RGS7: variants seen among roughly 807,000 people sequenced by gnomAD.
RGS7 encodes regulator of G protein signaling 7, also known as regulator of G-protein signaling 7.
Under a neutral mutation model 81.1 loss-of-function variants are expected in RGS7, and 27 were observed. The observed-to-expected ratio is 0.33, with a 90% CI of 0.25 to 0.46. The LOEUF (loss-of-function observed/expected upper bound fraction) is 0.46, where lower values mean the gene tolerates loss of function less well. RGS7 is among the 20% of genes least tolerant of loss of function. The pLI is 1.00. For synonymous variants in RGS7, 208 were observed against 207.7 expected (o/e 1.00, Z -0.01); for missense variants, 396 against 607.4 (o/e 0.65, Z 3.66).
At chr1:241,130,927 C>CAAAAAAA (rs11365447) in intron 2 of RGS7, among the ~76,000 whole-genome samples, 2,224 of 89,978 alleles carry the variant, frequency 0.025, 67 homozygotes, top group African/African-American at 0.078. Flanking sequence ...GGCTTAATTA[C>CAAAAAAA]AAAAAAAAAA....
intron 2 of RGS7, among the ~76,000 whole-genome samples, chr1:241,177,770 G>A (rs1477360263): frequency 6.6e-6 from 1 of 151,898 alleles, no homozygotes. Flanking sequence ...GACTGAAAGG[G>A]AGGTGGGAAT....
At position 241,325,696 on chromosome 1, in the gene RGS7, T is replaced by C. The variant is rs182417541; in HGVS notation, c.78+30003A>G. Reference sequence around the variant, plus strand: ...TGACATCATGCAGGGATTTTAGATCTGATACTTGTTGTGCATGCATCTCTC... The same window carrying C: ...TGACATCATGCAGGGATTTTAGATCCGATACTTGTTGTGCATGCATCTCTC... On this transcript the variant is annotated intron_variant, in intron 2 of 18. Coordinates refer to ENST00000440928, the MANE Select transcript of RGS7 (RefSeq NM_001364886.1). Among the ~76,000 whole-genome samples the C allele has an allele frequency of 2.0e-3, 301 of 152,340 alleles. 3 individuals carry two copies. Among genetic ancestry groups the C allele is most frequent in the African/African-American group, 6.8e-3 (284 of 41,576 alleles).
chr1:241,179,604 T>A (rs898213869), intron 2 of RGS7, among the ~76,000 whole-genome samples: 2 of 152,182 alleles, frequency 1.3e-5, no homozygotes, highest in African/African-American at 4.8e-5. Context: ...AGCTCATGAT[T>A]AATTACTGCA....
intron 2 of RGS7, among the ~76,000 whole-genome samples, chr1:241,257,285 A>G (rs920963158): frequency 9.2e-5 from 14 of 152,080 alleles, no homozygotes; most frequent in African/African-American, 3.1e-4. Flanking sequence ...GAGTCCCCCA[A>G]ACCCTTTTAT....
intron 2 of RGS7, among the ~76,000 whole-genome samples, chr1:241,236,015 T>C (rs1487452279): frequency 1.3e-5 from 2 of 151,962 alleles, no homozygotes; most frequent in Non-Finnish European, 2.9e-5. Context: ...TCTGTTTTTA[T>C]ATGCATTTTA....
At chr1:241,298,989 G>A (rs1042788559) in intron 2 of RGS7, among the ~76,000 whole-genome samples, 2 of 152,156 alleles carry the variant, frequency 1.3e-5, no homozygotes, top group East Asian at 1.9e-4. Context: ...CACATGTGCC[G>A]TCACATAATT....
intron 9 of RGS7, among the ~76,000 whole-genome samples, chr1:240,852,863 G>T (rs1365735018): frequency 6.6e-6 from 1 of 152,126 alleles, no homozygotes; most frequent in Non-Finnish European, 1.5e-5. Context: ...GTTTTGTGTT[G>T]CTCTAAGTGG....
At chr1:241,098,614 A>G (rs180999285) in intron 3 of RGS7, 52 bp downstream of exon 3, 2 of 1,190,704 alleles carry the variant, frequency 1.7e-6, no homozygotes, top group Non-Finnish European at 2.5e-6. Context: ...AGTTTTAAAG[A>G]GTTATCTAAG....
At chr1:241,016,390 C>T (rs949979684) in intron 3 of RGS7, among the ~76,000 whole-genome samples, 23 of 151,982 alleles carry the variant, frequency 1.5e-4, no homozygotes, top group Admixed American at 1.2e-3. Flanking sequence ...TGGCGGCATG[C>T]ACCTGTAGTC....
At chr1:240,887,093 A>T (rs1488238696) in intron 6 of RGS7, among the ~76,000 whole-genome samples, 1 of 152,198 alleles carries the variant, frequency 6.6e-6, no homozygotes, top group African/African-American at 2.4e-5. Context: ...TTAACTACAG[A>T]CGGAAAGTAA....
rs191835779 is a variant in RGS7, at chr1:241,080,769, T to C, written c.175+17897A>G. On this transcript the variant is annotated intron_variant, in intron 3 of 18. Coordinates refer to ENST00000440928, the MANE Select transcript of RGS7 (RefSeq NM_001364886.1). ...TTTTTAACACATGACTGGTAACAAG[T>C]TCTACCTTTTAATTACATAGGCTAA... Among the ~76,000 whole-genome samples the C allele has an allele frequency of 2.0e-5, 3 of 152,284 alleles. No homozygotes were observed. The East Asian group carries it at 5.8e-4, about 29-fold the overall frequency.
intron 2 of RGS7, among the ~76,000 whole-genome samples, chr1:241,178,104 T>C (rs75136946): frequency 0.022 from 3,359 of 152,082 alleles, 125 homozygotes; most frequent in African/African-American, 0.077. Context: ...CTGGGCAATA[T>C]AGTGAGACCC....
At chr1:240,893,197 T>A (rs1017657040) in intron 6 of RGS7, among the ~76,000 whole-genome samples, 6 of 152,172 alleles carry the variant, frequency 3.9e-5, no homozygotes, top group Non-Finnish European at 7.3e-5. Context: ...TTTCCTAAAC[T>A]GGCAATACGG....
At chr1:241,199,470 T>G (rs1046220947) in intron 2 of RGS7, among the ~76,000 whole-genome samples, 2 of 152,030 alleles carry the variant, frequency 1.3e-5, no homozygotes, top group African/African-American at 4.8e-5. Context: ...AGAAATAACT[T>G]CCAGCAAACA....
chr1:241,071,874 C>CAAAAAAAAAAAAAAAAAAAAAAA (rs58217460), intron 3 of RGS7, among the ~76,000 whole-genome samples: 37 of 56,846 alleles, frequency 6.5e-4, no homozygotes, highest in Middle Eastern at 0.015. Flanking sequence ...GAGACCCTGT[C>CAAAAAAAAAAAAAAAAAAAAAAA]AAAAAAAAAA....
chr1:240,967,853 A>T (rs1328836507), intron 4 of RGS7, among the ~76,000 whole-genome samples: 21 of 152,006 alleles, frequency 1.4e-4, no homozygotes, highest in Non-Finnish European at 1.5e-5. Flanking sequence ...TGTTTCCCAA[A>T]TTCGAAATTA....
At chr1:240,831,247 T>C (rs1572309386) in intron 9 of RGS7, among the ~76,000 whole-genome samples, 1 of 152,102 alleles carries the variant, frequency 6.6e-6, no homozygotes, top group Admixed American at 6.5e-5. Flanking sequence ...ATCTATGATA[T>C]CTAAGTCAAC....
intron 2 of RGS7, among the ~76,000 whole-genome samples, chr1:241,295,858 T>A (rs959712426): frequency 1.3e-5 from 2 of 152,116 alleles, no homozygotes; most frequent in African/African-American, 4.8e-5. Flanking sequence ...TAGATGTGAG[T>A]GTTGAGTACA....
intron 3 of RGS7, chr1:240,998,341 A>C: frequency 4.4e-6 from 2 of 455,956 alleles, no homozygotes; most frequent in Non-Finnish European, 7.8e-6. Context: ...TCTTCAACTG[A>C]AGGTTTATAT....
Sources: gnomAD v4.1 joint callset for allele counts (sites outside exome capture counted in the v4.1 genomes callset) on GRCh38, gnomAD v4.1.1 for gene constraint, MANE v1.5 for transcripts, NCBI Gene and HGNC (gene_info 2026-07-23, HGNC 2026-07-21) for gene names.